Variants in MAP3K5 observed in about 807,000 individuals in gnomAD.
MAP3K5 encodes ASK-1.
MAP3K5 carries 56 observed loss-of-function variants against 158.7 expected under a neutral mutation model. That is an observed-to-expected ratio of 0.35 (90% CI 0.28 to 0.44). The LOEUF is 0.44. MAP3K5 is among the 20% of genes least tolerant of loss of function. The pLI is 1.00. For missense variants in MAP3K5, 1,294 were observed against 1,674.8 expected, an observed-to-expected ratio of 0.77 and a Z score of 3.97; for synonymous variants, 579 against 601.7, an observed-to-expected ratio of 0.96 and a Z score of 0.55.
intron 1 of MAP3K5, among the ~76,000 whole-genome samples, chr6:136,762,532 T>G (rs781306381): frequency 6.6e-6 from 1 of 151,862 alleles, no homozygotes; most frequent in Non-Finnish European, 1.5e-5. Context: ...TGTGTGAGGG[T>G]AAGGGGGGAA....
chr6:136,583,599 C>T lies in MAP3K5; in HGVS notation c.3367G>A (p.Gly1123Ser). ...AGTACCACCTGGACTTGGCTAATGCCATGGCTGTCGAAGTCCAGCTCCAGT... is the reference window on the plus strand; with the variant it reads ...AGTACCACCTGGACTTGGCTAATGCTATGGCTGTCGAAGTCCAGCTCCAGT... ...LKLELDFDSH[G>S]ISQVQVVLFG... Residue 1123 changes from glycine (G) to serine (S), a missense_variant, in exon 24 of 30, where the codon GGC becomes AGC. By Grantham distance (56) the Gly-to-Ser change is moderately conservative (BLOSUM62 0). Around this residue, in one of 5 missense-constraint regions of MAP3K5, gnomAD observed 362 missense variants for 463.2 expected, o/e 0.78. Transcript: ENST00000359015. 1 of 1,614,220 alleles carries T rather than the reference C, an allele frequency of 6.2e-7. No homozygotes were observed. Among genetic ancestry groups the T allele is most frequent in the South Asian group, 1.1e-5 (1 of 91,086 alleles).
intron 1 of MAP3K5, among the ~76,000 whole-genome samples, chr6:136,784,139 G>A (rs888681188): frequency 7.2e-5 from 11 of 152,174 alleles, no homozygotes; most frequent in Non-Finnish European, 1.6e-4. Context: ...GCTTCACCCA[G>A]AGATGGAACC....
intron 5 of MAP3K5, 103 bp from the exon 6 acceptor site, chr6:136,696,160 T>G: frequency 3.1e-6 from 2 of 635,830 alleles, no homozygotes; most frequent in Non-Finnish European, 5.5e-6. Flanking sequence ...AGAAACACAT[T>G]AAAAAGACAC....
intron 10 of MAP3K5, among the ~76,000 whole-genome samples, chr6:136,655,220 C>A (rs1456314520): frequency 6.6e-6 from 1 of 152,144 alleles, no homozygotes; most frequent in Non-Finnish European, 1.5e-5. Flanking sequence ...CAATTAAATA[C>A]CTGAATTCTA....
At chr6:136,767,600 A>G (rs936148694) in intron 1 of MAP3K5, among the ~76,000 whole-genome samples, 6 of 147,202 alleles carry the variant, frequency 4.1e-5, no homozygotes, top group Non-Finnish European at 8.8e-5. Context: ...AACAAAAAGG[A>G]AAAAAAAATG....
intron 21 of MAP3K5, among the ~76,000 whole-genome samples, chr6:136,594,752 C>A (rs1775546799): frequency 6.6e-6 from 1 of 152,020 alleles, no homozygotes; most frequent in South Asian, 2.1e-4. Context: ...CTAGTACAGA[C>A]TAGACTAGAA....
rs752071478 is a variant in MAP3K5 at position 136,592,272 on chromosome 6, G to A, written c.3126C>T (p.Phe1042=). ...GCCTCTCACTGTCCTTCCTCAGCAT[G>A]AAGAATCCAGAATCTTTTTCTTCAG... ...PSPEEKDSGF[F]MLRKDSERRA... is the part of the protein sequence containing the mutation. Residue 1042 remains phenylalanine, a synonymous_variant, in exon 23 of 30, where the codon TTC becomes TTT. Transcript: ENST00000359015. The A allele has an allele frequency of 3.1e-6, 5 of 1,611,090 alleles. No homozygotes were observed. The East Asian group carries it at 6.7e-5, about 22-fold the overall frequency.
At chr6:136,589,839 C>G (rs1440302658) in intron 23 of MAP3K5, among the ~76,000 whole-genome samples, 3 of 152,136 alleles carry the variant, frequency 2.0e-5, no homozygotes, top group Admixed American at 1.3e-4. Context: ...GGACTTTCAG[C>G]CTCCAGAACT....
chr6:136,579,780 A>G (rs540177225), intron 25 of MAP3K5: 18 of 455,936 alleles, frequency 3.9e-5, no homozygotes, highest in African/African-American at 3.6e-4. Context: ...TTTGCTGTGA[A>G]TCTTAAACTG....
chr6:136,685,793 G>C (rs555722760), intron 7 of MAP3K5, among the ~76,000 whole-genome samples: 2 of 152,142 alleles, frequency 1.3e-5, no homozygotes, highest in African/African-American at 2.4e-5. Context: ...AAAAAAACAA[G>C]GGTCAGTTGA....
rs1774537666 is a variant in MAP3K5, at chr6:136,574,904, T to C, written c.3517+5397A>G. On this transcript the variant is annotated intron_variant, in intron 25 of 29. Coordinates refer to ENST00000359015, the MANE Select transcript of MAP3K5 (RefSeq NM_005923.4). ...TGGGGTTTCACTGTGTTAGCCAGGATGGTCTTGATCTCCTGACCTCGTGAT... is the reference window on the plus strand; with the variant it reads ...TGGGGTTTCACTGTGTTAGCCAGGACGGTCTTGATCTCCTGACCTCGTGAT... 4.6e-5 allele frequency among the ~76,000 whole-genome samples: 7 copies of C among 152,082 alleles called. No homozygotes were observed. The South Asian group carries it at 1.5e-3, about 32-fold the overall frequency.
At chr6:136,791,580 C>A (rs533945305) in intron 1 of MAP3K5, 130 bp downstream of exon 1, 3 of 963,846 alleles carry the variant, frequency 3.1e-6, no homozygotes. Flanking sequence ...AGTCACGCAG[C>A]GGCGCTCGCT....
At chr6:136,660,895 T>C (rs939795265) in intron 8 of MAP3K5, among the ~76,000 whole-genome samples, 4 of 152,086 alleles carry the variant, frequency 2.6e-5, no homozygotes, top group African/African-American at 9.7e-5. Context: ...CAAATTTCTG[T>C]AGAGTGGAAT....
At chr6:136,622,085 C>CA (rs57596059) in intron 15 of MAP3K5, among the ~76,000 whole-genome samples, 15,029 of 94,614 alleles carry the variant, frequency 0.16, 1,799 homozygotes, top group East Asian at 0.38. Context: ...GACTCCGTCT[C>CA]AAAAAAAAAA....
intron 23 of MAP3K5, among the ~76,000 whole-genome samples, chr6:136,585,423 T>C (rs913905906): frequency 1.3e-5 from 2 of 151,684 alleles, no homozygotes; most frequent in Non-Finnish European, 2.9e-5. Flanking sequence ...CAACCTCAGA[T>C]GGAACTTTTC....
chr6:136,675,201 C>T (rs1375846060), intron 7 of MAP3K5, among the ~76,000 whole-genome samples: 1 of 151,836 alleles, frequency 6.6e-6, no homozygotes, highest in African/African-American at 2.4e-5. Context: ...GAAAAAAATG[C>T]ACAGAACTAA....
chr6:136,671,737 C>A (rs566371411), intron 7 of MAP3K5, among the ~76,000 whole-genome samples: 114 of 152,222 alleles, frequency 7.5e-4, no homozygotes, highest in Non-Finnish European at 1.1e-3. Flanking sequence ...CCTCAGCCTC[C>A]CGAGTAGCTC....
intron 1 of MAP3K5, among the ~76,000 whole-genome samples, chr6:136,783,242 G>A (rs1019796991): frequency 6.7e-6 from 1 of 149,340 alleles, no homozygotes; most frequent in African/African-American, 2.5e-5. Context: ...TCATGCCAAC[G>A]CACTCCAGCC....
intron 15 of MAP3K5, among the ~76,000 whole-genome samples, chr6:136,615,955 C>G (rs1307338818): frequency 6.6e-6 from 1 of 152,024 alleles, no homozygotes; most frequent in Non-Finnish European, 1.5e-5. Flanking sequence ...CATTTAAATT[C>G]ATTTAATTTA....
Sources: allele counts gnomAD v4.1 joint callset (sites outside exome capture counted in the v4.1 genomes callset), GRCh38; gene constraint gnomAD v4.1.1; regional missense constraint gnomAD v4.1.1; transcripts MANE v1.5; gene names NCBI Gene and HGNC (gene_info 2026-07-23, HGNC 2026-07-21).